The following EYA1 variants were observed in gnomAD, a reference collection of about 807,000 sequenced individuals.
The protein encoded by EYA1 is protein phosphatase EYA1.
In EYA1, 16 loss-of-function variants were observed where a neutral mutation model predicts 82.0. That is an observed-to-expected ratio of 0.20 (90% CI 0.13 to 0.30). The LOEUF (loss-of-function observed/expected upper bound fraction) is 0.30. Ranked by LOEUF, EYA1 falls within the 10% of genes least tolerant of loss-of-function variation. The probability of loss-of-function intolerance (pLI) is 1.00; values close to 1 mark genes in which losing one functional copy is unlikely to be tolerated. For synonymous variants in EYA1, 261 were observed against 264.4 expected (o/e 0.99, Z 0.12); for missense variants, 633 against 730.7 (o/e 0.87, Z 1.54).
At chr8:71,246,393 A>G (rs571271183) in intron 11 of EYA1, among the ~76,000 whole-genome samples, 1 of 152,370 alleles carries the variant, frequency 6.6e-6, no homozygotes, top group Non-Finnish European at 1.5e-5. Context: ...TTTGAGTCTT[A>G]GAGTCAAGAA....
At chr8:71,276,957 A>G (rs1457963077) in intron 9 of EYA1, among the ~76,000 whole-genome samples, 1 of 152,116 alleles carries the variant, frequency 6.6e-6, no homozygotes, top group African/African-American at 2.4e-5. Context: ...ACATGTCGTT[A>G]GCACTCTACG....
intron 17 of EYA1, among the ~76,000 whole-genome samples, chr8:71,203,875 C>T (rs962377816): frequency 6.6e-6 from 1 of 152,136 alleles, no homozygotes; most frequent in African/African-American, 2.4e-5. Flanking sequence ...GTTCATGTGA[C>T]TCAGCGGTGG....
intron 2 of EYA1, among the ~76,000 whole-genome samples, chr8:71,485,876 T>C (rs1032330039): frequency 6.6e-6 from 1 of 152,282 alleles, no homozygotes; most frequent in Admixed American, 6.5e-5. Context: ...TTTTTATGAG[T>C]GTCTTGAAAC....
chr8:71,262,575 A>G lies in EYA1; in HGVS notation c.1050+7165T>C, dbSNP rs180998093. On this transcript the variant is annotated intron_variant, in intron 11 of 17. Transcript: ENST00000340726. ...AAGGCCACAGAGCAAGGGAGGTCCAAAGTTGCAGGTGGCAGGCCAGTGCAG... is the reference window on the plus strand; with the variant it reads ...AAGGCCACAGAGCAAGGGAGGTCCAGAGTTGCAGGTGGCAGGCCAGTGCAG... 1.8e-4 allele frequency among the ~76,000 whole-genome samples: 27 copies of G among 152,298 alleles called. 2 individuals are homozygous for G. In the East Asian group the frequency reaches 4.6e-3, roughly 26 times the overall value.
At chr8:71,368,338 GA>G (rs952126336) in intron 2 of EYA1, among the ~76,000 whole-genome samples, 1 of 152,010 alleles carries the variant, frequency 6.6e-6, no homozygotes, top group African/African-American at 2.4e-5. Context: ...AACCCCTGCT[GA>G]AAGATCCGCA....
At chr8:71,392,061 G>T (rs113035480) in intron 2 of EYA1, among the ~76,000 whole-genome samples, 1 of 151,852 alleles carries the variant, frequency 6.6e-6, no homozygotes, top group Non-Finnish European at 1.5e-5. Context: ...AGAAGAGAAA[G>T]ATGAAAAAAT....
intron 12 of EYA1, among the ~76,000 whole-genome samples, chr8:71,233,437 G>C (rs1038668378): frequency 6.6e-6 from 1 of 151,848 alleles, no homozygotes; most frequent in African/African-American, 2.4e-5. Context: ...GGTGGTGGGC[G>C]CCTGTATTCC....
chr8:71,441,333 C>A (rs1394168470), intron 2 of EYA1, among the ~76,000 whole-genome samples: 4 of 152,062 alleles, frequency 2.6e-5, no homozygotes, highest in Admixed American at 2.0e-4. Context: ...TTGCTTGAGT[C>A]CAGGAGTTTG....
intron 2 of EYA1, among the ~76,000 whole-genome samples, chr8:71,469,203 G>A (rs1809000001): frequency 6.6e-6 from 1 of 152,032 alleles, no homozygotes; most frequent in Non-Finnish European, 1.5e-5. Flanking sequence ...TCAAATCTTA[G>A]GAGGAAAGAA....
intron 4 of EYA1, among the ~76,000 whole-genome samples, chr8:71,329,265 T>A (rs1341796960): frequency 6.6e-6 from 1 of 152,198 alleles, no homozygotes; most frequent in African/African-American, 2.4e-5. Flanking sequence ...GCCCCTACCT[T>A]CTTCTTTCTA....
intron 11 of EYA1, among the ~76,000 whole-genome samples, chr8:71,258,516 TC>T (rs1167922295): frequency 2.0e-5 from 3 of 152,040 alleles, no homozygotes; most frequent in Admixed American, 6.6e-5. Flanking sequence ...TATGGTGGAG[TC>T]TTAAACTTTG....
intron 2 of EYA1, among the ~76,000 whole-genome samples, chr8:71,511,713 AT>A (rs1812609083): frequency 6.6e-6 from 1 of 152,182 alleles, no homozygotes; most frequent in South Asian, 2.1e-4. Context: ...GCCTTATGCT[AT>A]TGCTTACATG....
At chr8:71,412,159 C>A (rs1191564121) in intron 2 of EYA1, among the ~76,000 whole-genome samples, 1 of 127,466 alleles carries the variant, frequency 7.8e-6, no homozygotes, top group African/African-American at 3.0e-5. Context: ...TATTCTCACT[C>A]ATAGGTGGGA....
intron 2 of EYA1, among the ~76,000 whole-genome samples, chr8:71,434,113 T>C (rs189563102): frequency 1.1e-4 from 17 of 152,278 alleles, no homozygotes; most frequent in African/African-American, 3.8e-4. Context: ...ACTCTAAGAT[T>C]CTGTTTGCCT....
intron 2 of EYA1, among the ~76,000 whole-genome samples, chr8:71,443,437 C>T (rs540788992): frequency 1.8e-4 from 27 of 152,104 alleles, no homozygotes; most frequent in Non-Finnish European, 3.5e-4. Flanking sequence ...CGTGCCATCA[C>T]GCCTGGCTAA....
At chr8:71,244,749 A>T in intron 11 of EYA1, 57 bp from the exon 12 acceptor site, 1 of 1,046,514 alleles carries the variant, frequency 9.6e-7, no homozygotes, top group Non-Finnish European at 1.5e-6. Flanking sequence ...CATGAAAGAG[A>T]GTGTCTCATT....
chr8:71,489,920 C>A (rs1810872409), intron 2 of EYA1, among the ~76,000 whole-genome samples: 1 of 152,136 alleles, frequency 6.6e-6, no homozygotes, highest in Non-Finnish European at 1.5e-5. Flanking sequence ...GTGCAGCCTG[C>A]CCAGCTGCTG....
At chr8:71,467,172 T>C (rs1808836836) in intron 2 of EYA1, among the ~76,000 whole-genome samples, 1 of 152,002 alleles carries the variant, frequency 6.6e-6, no homozygotes, top group African/African-American at 2.4e-5. Context: ...TTAAAATATA[T>C]ATATACATTA....
At chr8:71,337,685 A>T (rs1201597907) in intron 3 of EYA1, among the ~76,000 whole-genome samples, 1 of 152,252 alleles carries the variant, frequency 6.6e-6, no homozygotes, top group African/African-American at 2.4e-5. Flanking sequence ...AAGAATTCAT[A>T]AAAATGTACA....
Sources: allele counts gnomAD v4.1 joint callset (sites outside exome capture counted in the v4.1 genomes callset), GRCh38; gene constraint gnomAD v4.1.1; transcripts MANE v1.5; gene names NCBI Gene and HGNC (gene_info 2026-07-23, HGNC 2026-07-21).